Variants in RORA observed in about 807,000 individuals in gnomAD.
RORA encodes RAR related orphan receptor A, also known as nuclear receptor ROR-alpha.
Under a neutral mutation model 69.5 loss-of-function variants are expected in RORA, and 7 were observed. The observed-to-expected ratio is 0.10, with a 90% CI of 0.06 to 0.19. The LOEUF (loss-of-function observed/expected upper bound fraction) is 0.19. RORA is among the 10% of genes least tolerant of loss of function. RORA has a pLI of 1.00. For missense variants in RORA, 457 were observed against 663.0 expected, an observed-to-expected ratio of 0.69 and a Z score of 3.41; for synonymous variants, 261 against 240.8, an observed-to-expected ratio of 1.08 and a Z score of -0.78.
intron 2 of RORA, among the ~76,000 whole-genome samples, chr15:60,647,251 T>C (rs1452293129): frequency 6.6e-6 from 1 of 152,216 alleles, no homozygotes; most frequent in Admixed American, 6.5e-5. Flanking sequence ...TTTTCCTTAG[T>C]GCTTATACCC....
At chr15:60,880,009 G>A (rs540151504) in intron 1 of RORA, among the ~76,000 whole-genome samples, 1,744 of 152,246 alleles carry the variant, frequency 0.011, 22 homozygotes, top group Non-Finnish European at 0.019. Context: ...AGCATGCTTT[G>A]AAGAAGTAAT....
intron 1 of RORA, among the ~76,000 whole-genome samples, chr15:61,215,031 A>AGTTTTTTTTTTTTT (rs1491564825): frequency 1.2e-5 from 1 of 80,626 alleles, no homozygotes; most frequent in Non-Finnish European, 2.3e-5. Context: ...CGCCCAGCTA[A>AGTTTTTTTTTTTTT]TTTTTTTTTT....
intron 8 of RORA, 24 bp from the exon 9 acceptor site, chr15:60,501,093 G>T: frequency 1.5e-6 from 2 of 1,377,580 alleles, no homozygotes; most frequent in Non-Finnish European, 2.0e-6. Context: ...AACAAAGACA[G>T]TTTAGAATTT....
At chr15:61,156,569 C>G (rs1022054824) in intron 1 of RORA, among the ~76,000 whole-genome samples, 96 of 152,150 alleles carry the variant, frequency 6.3e-4, no homozygotes, top group African/African-American at 2.2e-3. Flanking sequence ...GAGTGAAAAG[C>G]AAACAGGAAG....
intron 1 of RORA, among the ~76,000 whole-genome samples, chr15:60,693,026 A>C (rs985636487): frequency 6.6e-6 from 1 of 152,228 alleles, no homozygotes; most frequent in Non-Finnish European, 1.5e-5. Context: ...AATATCCCTG[A>C]TGAACATTGA....
At chr15:60,964,171 G>A (rs1893487323) in intron 1 of RORA, among the ~76,000 whole-genome samples, 1 of 152,222 alleles carries the variant, frequency 6.6e-6, no homozygotes, top group Non-Finnish European at 1.5e-5. Flanking sequence ...AAGTTCATCT[G>A]ATTCCTACCC....
intron 2 of RORA, among the ~76,000 whole-genome samples, chr15:60,652,636 A>G (rs955729849): frequency 1.3e-5 from 2 of 152,194 alleles, no homozygotes; most frequent in African/African-American, 4.8e-5. Flanking sequence ...AATTGGCATC[A>G]TATTTTTTCA....
At chr15:60,949,941 T>C (rs1331606966) in intron 1 of RORA, among the ~76,000 whole-genome samples, 1 of 152,176 alleles carries the variant, frequency 6.6e-6, no homozygotes, top group Non-Finnish European at 1.5e-5. Flanking sequence ...AAAGAGTCAC[T>C]GGACATACTC....
intron 1 of RORA, among the ~76,000 whole-genome samples, chr15:61,009,470 C>A (rs148666987): frequency 1.7e-4 from 26 of 152,188 alleles, no homozygotes; most frequent in Admixed American, 9.8e-4. Flanking sequence ...TTCATCCGTA[C>A]GATACAGGAA....
intron 1 of RORA, among the ~76,000 whole-genome samples, chr15:60,850,489 C>G (rs1347259326): frequency 6.6e-6 from 1 of 152,086 alleles, no homozygotes; most frequent in Non-Finnish European, 1.5e-5. Flanking sequence ...ACTTTGGGTT[C>G]CTCATCTCTA....
At chr15:61,091,416 G>GTA (rs1595975176) in intron 1 of RORA, among the ~76,000 whole-genome samples, 1 of 152,150 alleles carries the variant, frequency 6.6e-6, no homozygotes, top group Non-Finnish European at 1.5e-5. Flanking sequence ...AAGCGCTGCT[G>GTA]TACTCCCTCC....
intron 1 of RORA, among the ~76,000 whole-genome samples, chr15:61,037,621 TAATTC>T (rs869032446): frequency 1.3e-4 from 20 of 152,312 alleles, no homozygotes; most frequent in African/African-American, 4.3e-4. Flanking sequence ...CAGATCCAGT[TAATTC>T]AATTCAATGA....
At chr15:61,127,828 G>C (rs569101408) in intron 1 of RORA, among the ~76,000 whole-genome samples, 2 of 152,114 alleles carry the variant, frequency 1.3e-5, no homozygotes, top group African/African-American at 4.8e-5. Flanking sequence ...CAGTTCTCCG[G>C]TGAGGGTGCA....
At chr15:61,075,348 G>A (rs2078433783) in intron 1 of RORA, among the ~76,000 whole-genome samples, 1 of 152,130 alleles carries the variant, frequency 6.6e-6, no homozygotes, top group Non-Finnish European at 1.5e-5. Flanking sequence ...TGCTCTCCAA[G>A]GTCACCTTGA....
At chr15:60,940,852 G>C (rs568532515) in intron 1 of RORA, among the ~76,000 whole-genome samples, 3 of 152,100 alleles carry the variant, frequency 2.0e-5, no homozygotes, top group Non-Finnish European at 4.4e-5. Flanking sequence ...GTTTGAACTC[G>C]GGAGGCAAAG....
At chr15:60,844,617 T>C (rs2073241702) in intron 1 of RORA, among the ~76,000 whole-genome samples, 1 of 152,074 alleles carries the variant, frequency 6.6e-6, no homozygotes, top group Non-Finnish European at 1.5e-5. Flanking sequence ...GAAGATAAGA[T>C]CACCATACTG....
chr15:60,949,839 C>A (rs900161854), intron 1 of RORA, among the ~76,000 whole-genome samples: 3 of 152,104 alleles, frequency 2.0e-5, no homozygotes. Flanking sequence ...TATGTGTCAC[C>A]AACGCTGGTT....
chr15:60,704,155 G>C (rs112477704), intron 1 of RORA, among the ~76,000 whole-genome samples: 4 of 152,196 alleles, frequency 2.6e-5, no homozygotes, highest in African/African-American at 9.6e-5. Flanking sequence ...CAACACAGCC[G>C]TGACAAAAAT....
chr15:61,070,277 G>C (rs1274171462), intron 1 of RORA, among the ~76,000 whole-genome samples: 1 of 152,112 alleles, frequency 6.6e-6, no homozygotes, highest in Non-Finnish European at 1.5e-5. Context: ...ACACCCGTAT[G>C]CCCCCATGGG....
Sources: allele counts gnomAD v4.1 joint callset (sites outside exome capture counted in the v4.1 genomes callset), GRCh38; gene constraint gnomAD v4.1.1; transcripts MANE v1.5; gene names NCBI Gene and HGNC (gene_info 2026-07-23, HGNC 2026-07-21).